The following FAM168A variants were observed in gnomAD, a reference collection of about 807,000 sequenced individuals.
The protein encoded by FAM168A is family with sequence similarity 168 member A.
In FAM168A, 3 loss-of-function variants were observed where a neutral mutation model predicts 28.5. That is an observed-to-expected ratio of 0.11 (90% CI 0.05 to 0.27). The LOEUF (loss-of-function observed/expected upper bound fraction) is 0.27, where lower values mean the gene tolerates loss of function less well. Ranked by LOEUF, FAM168A falls within the 10% of genes least tolerant of loss-of-function variation. FAM168A has a pLI of 1.00. For missense variants in FAM168A, 222 were observed against 311.5 expected (o/e 0.71, Z 2.16); for synonymous variants, 122 against 124.2 (o/e 0.98, Z 0.12).
intron 1 of FAM168A, among the ~76,000 whole-genome samples, chr11:73,474,015 G>A (rs980512509): frequency 9.9e-5 from 15 of 151,866 alleles, no homozygotes; most frequent in African/African-American, 2.9e-4. Context: ...TCACCATGTT[G>A]GCCAGGCTGG....
chr11:73,470,934 G>C (rs1394971725), intron 1 of FAM168A, among the ~76,000 whole-genome samples: 2 of 152,168 alleles, frequency 1.3e-5, no homozygotes, highest in South Asian at 2.1e-4. Flanking sequence ...CTGGTCTCCT[G>C]CTGCTCCAAA....
chr11:73,443,465 T>C (rs1036968370), intron 2 of FAM168A, among the ~76,000 whole-genome samples: 11 of 152,114 alleles, frequency 7.2e-5, no homozygotes, highest in Non-Finnish European at 1.3e-4. Context: ...ATATAAGCGT[T>C]GTGAGAGAAG....
rs564720943 is a variant in FAM168A, at chr11:73,527,709, G to C, written c.-18-59217C>G. ...AAGTAGCAGAAGGGGGTTTTGCCCAGGTGGGTTCTAGAAAAGCTCATACTA... is the reference window on the plus strand; with the variant it reads ...AAGTAGCAGAAGGGGGTTTTGCCCACGTGGGTTCTAGAAAAGCTCATACTA... On this transcript the variant is annotated intron_variant, in intron 1 of 7. Transcript: ENST00000356467. Among the ~76,000 whole-genome samples the C allele has an allele frequency of 5.3e-5, 8 of 152,102 alleles. No individual in the cohort carries two copies. In the East Asian group the frequency reaches 1.5e-3, roughly 29 times the overall value.
At chr11:73,546,329 C>T (rs1233282209) in intron 1 of FAM168A, among the ~76,000 whole-genome samples, 2 of 152,188 alleles carry the variant, frequency 1.3e-5, no homozygotes, top group African/African-American at 4.8e-5. Flanking sequence ...GAGTATACCC[C>T]AGCAAATCAA....
At chr11:73,461,132 T>A (rs886993681) in intron 2 of FAM168A, among the ~76,000 whole-genome samples, 3 of 152,018 alleles carry the variant, frequency 2.0e-5, no homozygotes, top group Non-Finnish European at 4.4e-5. Flanking sequence ...CTTTTTTTTT[T>A]AAGACAAGGT....
chr11:73,455,399 G>A (rs1867512872), intron 2 of FAM168A, among the ~76,000 whole-genome samples: 1 of 152,190 alleles, frequency 6.6e-6, no homozygotes, highest in African/African-American at 2.4e-5. Context: ...TCCAGCAAAG[G>A]GGTCAAGAAA....
chr11:73,465,666 T>C (rs768064185), intron 2 of FAM168A, among the ~76,000 whole-genome samples: 1 of 100,510 alleles, frequency 9.9e-6, no homozygotes, highest in African/African-American at 6.2e-5. Context: ...TCAATCCTCA[T>C]GACCTCATCT....
At chr11:73,554,084 TAA>T (rs1289208992) in intron 1 of FAM168A, among the ~76,000 whole-genome samples, 5 of 147,282 alleles carry the variant, frequency 3.4e-5, no homozygotes, top group African/African-American at 1.0e-4. Flanking sequence ...ACCAAAAAAA[TAA>T]AGACTGAGGC....
At chr11:73,431,514 T>C (rs191984372) in intron 2 of FAM168A, among the ~76,000 whole-genome samples, 2,132 of 141,598 alleles carry the variant, frequency 0.015, 33 homozygotes, top group African/African-American at 0.055. Flanking sequence ...TTTATATACA[T>C]ATATTCAGTG....
At chr11:73,414,368 T>A (rs1866664895) in intron 4 of FAM168A, among the ~76,000 whole-genome samples, 1 of 152,230 alleles carries the variant, frequency 6.6e-6, no homozygotes. Flanking sequence ...GAATGTTTGC[T>A]GACCCCTAAT....
chr11:73,545,739 G>C (rs1943741911), intron 1 of FAM168A, among the ~76,000 whole-genome samples: 1 of 140,576 alleles, frequency 7.1e-6, no homozygotes, highest in Non-Finnish European at 1.5e-5. Flanking sequence ...ACCCAGGCTG[G>C]AGTGCAGTGG....
chr11:73,459,811 GAA>G (rs1010342581), intron 2 of FAM168A, among the ~76,000 whole-genome samples: 4 of 151,340 alleles, frequency 2.6e-5, no homozygotes, highest in African/African-American at 2.4e-5. Context: ...CTCAAAAACA[GAA>G]AAGTCTCCCT....
At chr11:73,514,046 G>C (rs553762576) in intron 1 of FAM168A, among the ~76,000 whole-genome samples, 2 of 152,076 alleles carry the variant, frequency 1.3e-5, no homozygotes, top group South Asian at 4.2e-4. Context: ...TTAGCCCAGA[G>C]TTATGGTACA....
chr11:73,573,730 G>A (rs186773110), intron 1 of FAM168A, among the ~76,000 whole-genome samples: 1 of 151,602 alleles, frequency 6.6e-6, no homozygotes, highest in East Asian at 1.9e-4. Flanking sequence ...CTGGAAGACA[G>A]GAGGTTGGCT....
At chr11:73,580,234 C>T (rs1281159779) in intron 1 of FAM168A, 11 of 523,868 alleles carry the variant, frequency 2.1e-5, no homozygotes, top group Admixed American at 4.2e-5. Context: ...GTCCCGCTGC[C>T]GTCACTGTCG....
intron 1 of FAM168A, among the ~76,000 whole-genome samples, chr11:73,543,723 A>G (rs928129932): frequency 6.6e-6 from 1 of 152,184 alleles, no homozygotes; most frequent in Non-Finnish European, 1.5e-5. Context: ...AGATTAAGCT[A>G]TATTTATTTC....
chr11:73,571,234 TCC>T (rs375850220), intron 1 of FAM168A, among the ~76,000 whole-genome samples: 752 of 49,532 alleles, frequency 0.015, 8 homozygotes, highest in African/African-American at 0.046. Context: ...CCCCTCCCCC[TCC>T]CCCCCCCCTC....
intron 6 of FAM168A, 152 bp downstream of exon 6, chr11:73,409,335 G>A: frequency 1.1e-6 from 1 of 927,694 alleles, no homozygotes; most frequent in South Asian, 1.8e-5. Context: ...CATCCCCATA[G>A]ACAGATTTAG....
rs751952485 is a variant in FAM168A at position 73,407,763 on chromosome 11, G to A, written c.596-120C>T. On this transcript the variant is annotated intron_variant, in intron 6 of 7. Coordinates refer to ENST00000356467, the MANE Select transcript of FAM168A (RefSeq NM_015159.3). ...TCTGCCCAAATCCCCCATCTCCCTC[G>A]CCTTCCTGATGACCTGTTTTCTGCC... The A allele has an allele frequency of 4.2e-5, 33 of 782,576 alleles. 1 individual carries two copies. In the African/African-American group the frequency reaches 4.6e-4, roughly 11 times the overall value. 48.5% of individuals were successfully genotyped at this position (782,576 alleles called of 1,614,324 possible).
Sources: gnomAD v4.1 joint callset for allele counts (sites outside exome capture counted in the v4.1 genomes callset) on GRCh38, gnomAD v4.1.1 for gene constraint, MANE v1.5 for transcripts, NCBI Gene and HGNC (gene_info 2026-07-23, HGNC 2026-07-21) for gene names.